The following LTBP1 variants were observed in gnomAD, a reference collection of about 807,000 sequenced individuals.
The protein encoded by LTBP1 is latent-transforming growth factor beta-binding protein 1.
A neutral mutation model predicts 207.6 loss-of-function variants in LTBP1; 129 were observed. The observed-to-expected ratio is 0.62, with a 90% CI of 0.54 to 0.72. LTBP1 has a LOEUF of 0.72. Among genes scored for constraint, LTBP1 ranks in the 30% least tolerant of loss-of-function variants. LTBP1 has a pLI of 0.00. For missense variants in LTBP1, 2,281 were observed against 2,217.2 expected, an observed-to-expected ratio of 1.03 and a Z score of -0.58; for synonymous variants, 963 against 833.7, an observed-to-expected ratio of 1.16 and a Z score of -2.67.
rs545917717 is a variant in LTBP1, at chr2:33,343,087, T to C, written c.3856+124T>C. On this transcript the variant is annotated intron_variant, in intron 25 of 33. Transcript: ENST00000404816. ...GCTTTATCGTAATTTGATTTTGTCA[T>C]ACAATTTGAGGATGTGCAAAAATAT... 6.2e-5 allele frequency: 74 copies of C among 1,196,758 alleles called. No individual in the cohort carries two copies. The African/African-American group carries it at 1.0e-3, about 16-fold the overall frequency. 74.1% of individuals were successfully genotyped at this position (1,196,758 alleles called of 1,614,324 possible). A position where few individuals can be genotyped will look rare whatever the true frequency, so the allele number is the denominator to read the frequency against.
intron 5 of LTBP1, among the ~76,000 whole-genome samples, chr2:33,176,245 G>T (rs371006313): frequency 6.6e-6 from 1 of 151,026 alleles, no homozygotes; most frequent in South Asian, 2.1e-4. Context: ...TTTATTTTCT[G>T]AGATGGAGTC....
intron 7 of LTBP1, among the ~76,000 whole-genome samples, chr2:33,215,716 G>GT (rs1287189048): frequency 0.013 from 1,819 of 139,014 alleles, 85 homozygotes; most frequent in African/African-American, 0.045. Flanking sequence ...GTTTTCTTTT[G>GT]TTTTTTGTTT....
intron 2 of LTBP1, among the ~76,000 whole-genome samples, chr2:32,968,181 T>C (rs1680280995): frequency 6.6e-6 from 1 of 152,138 alleles, no homozygotes; most frequent in Non-Finnish European, 1.5e-5. Flanking sequence ...TTGGCCATAC[T>C]GGTCTTGAGC....
intron 4 of LTBP1, among the ~76,000 whole-genome samples, chr2:33,125,969 G>A (rs218204): frequency 0.037 from 5,564 of 152,304 alleles, 137 homozygotes; most frequent in Middle Eastern, 0.054. Flanking sequence ...TGCAACCAGG[G>A]TATCAGTAAG....
chr2:33,344,127 G>T (rs1053723633), intron 25 of LTBP1, among the ~76,000 whole-genome samples: 1 of 152,100 alleles, frequency 6.6e-6, no homozygotes, highest in South Asian at 2.1e-4. Flanking sequence ...TGCTTTTGTG[G>T]AATTATGAAA....
chr2:33,131,017 G>A (rs1184431018), intron 4 of LTBP1, among the ~76,000 whole-genome samples: 1 of 152,034 alleles, frequency 6.6e-6, no homozygotes, highest in East Asian at 1.9e-4. Context: ...GGTGCCACTC[G>A]GGATGGTCTT....
In LTBP1 at chr2:33,134,821, G is replaced by A. The variant is rs1362542703; in HGVS notation, c.1062G>A (p.Val354=). 1 of 1,613,964 alleles carries A rather than the reference G, an allele frequency of 6.2e-7. No homozygotes were observed. Among genetic ancestry groups the A allele is most frequent in the African/African-American group, 1.3e-5 (1 of 74,886 alleles). ...QLSNHTGRIK[V]VFTPSICKVT... ...GTAACCACACTGGCCGCATCAAGGT[G>A]GTCTTTACTCCGAGCATCTGTAAAG... The change falls in exon 5 of 34, where the codon GTG becomes GTA. Residue 354 remains valine (V), a synonymous_variant. Transcript: ENST00000404816. The surrounding 1 kb of genome is among the most constrained non-coding windows in gnomAD (Gnocchi z 4.4).
In LTBP1 at chr2:33,061,796, T is replaced by C. The variant is rs551074237; in HGVS notation, c.863+40590T>C. Among the ~76,000 whole-genome samples the C allele has an allele frequency of 1.0e-3, 157 of 152,310 alleles. 6 individuals are homozygous for C. Among genetic ancestry groups the C allele is most frequent in the Non-Finnish European group, 1.8e-4 (12 of 68,004 alleles). ...TCTTGTGAGTTTTCCTGTGGACATA[T>C]GCTTTCAATTCTGTTGGGTAAGTAC... is the stretch of plus-strand genomic sequence containing the variant. On this transcript the variant is annotated intron_variant, in intron 3 of 33. Transcript: ENST00000404816.
chr2:32,977,057 G>A (rs1171328879), intron 2 of LTBP1, among the ~76,000 whole-genome samples: 1 of 152,124 alleles, frequency 6.6e-6, no homozygotes, highest in Non-Finnish European at 1.5e-5. Context: ...CCTGCTGTCC[G>A]GGTGTTATCC....
At chr2:33,294,944 T>A (rs1037291219) in intron 20 of LTBP1, among the ~76,000 whole-genome samples, 1 of 151,998 alleles carries the variant, frequency 6.6e-6, no homozygotes, top group Admixed American at 6.6e-5. Context: ...GTCCATATTG[T>A]ACATATTTAT....
At chr2:33,258,988 G>A (rs778040928) in intron 12 of LTBP1, among the ~76,000 whole-genome samples, 15 of 152,156 alleles carry the variant, frequency 9.9e-5, no homozygotes, top group Non-Finnish European at 1.9e-4. Flanking sequence ...TGTATAATTT[G>A]TTCAGTATAT....
chr2:33,272,838 C>T lies in LTBP1; in HGVS notation c.2618-818C>T, dbSNP rs147493536. 7.9e-3 allele frequency among the ~76,000 whole-genome samples: 1,196 copies of T among 152,266 alleles called. 5 individuals carry two copies. The highest frequency in any genetic ancestry group is 0.012 in the Non-Finnish European group (814 of 68,014). On this transcript the variant is annotated intron_variant, in intron 15 of 33. Coordinates refer to ENST00000404816, the MANE Select transcript of LTBP1 (RefSeq NM_206943.4). Reference sequence around the variant, plus strand: ...AAAATCTTAAAGGAGTAATTAATCTCAGAAGGCCCCCTTTGAGTCCTTGGG... The same window carrying T: ...AAAATCTTAAAGGAGTAATTAATCTTAGAAGGCCCCCTTTGAGTCCTTGGG...
intron 2 of LTBP1, among the ~76,000 whole-genome samples, chr2:32,954,553 C>CA (rs1390068220): frequency 3.3e-5 from 5 of 151,012 alleles, no homozygotes; most frequent in African/African-American, 1.2e-4. Context: ...TCCCCGCCCC[C>CA]CCCCACCAAT....
intron 23 of LTBP1, among the ~76,000 whole-genome samples, chr2:33,313,507 A>G (rs2094216497): frequency 6.6e-6 from 1 of 152,158 alleles, no homozygotes; most frequent in Non-Finnish European, 1.5e-5. Context: ...TACATTCTGT[A>G]CCTTTTCCCT....
chr2:33,263,503 C>A, intron 15 of LTBP1, 111 bp downstream of exon 15: 2 of 667,520 alleles, frequency 3.0e-6, no homozygotes, highest in Non-Finnish European at 5.1e-6. Flanking sequence ...GTTAGCCATA[C>A]TAGCAAATAT....
In LTBP1 at chr2:33,248,185, A is replaced by C. The variant is rs146107211; in HGVS notation, c.1999+4401A>C. ...CTCCCAGATAATTACAGTAAACAAA[A>C]ACCATGACAATAATAATTTTTATTG... On this transcript the variant is annotated intron_variant, in intron 10 of 33. Coordinates refer to ENST00000404816, the MANE Select transcript of LTBP1 (RefSeq NM_206943.4). Among the ~76,000 whole-genome samples, 83 of 152,358 alleles carry C rather than the reference A, an allele frequency of 5.4e-4. 1 individual carries two copies. The highest frequency in any genetic ancestry group is 1.9e-3 in the African/African-American group (77 of 41,588).
chr2:32,970,016 G>A (rs912651601), intron 2 of LTBP1, among the ~76,000 whole-genome samples: 2 of 152,146 alleles, frequency 1.3e-5, no homozygotes, highest in Non-Finnish European at 2.9e-5. Context: ...TTTCTCTAAT[G>A]ATTAATGATG....
intron 2 of LTBP1, among the ~76,000 whole-genome samples, chr2:32,950,694 C>T (rs187672275): frequency 3.9e-5 from 6 of 152,050 alleles, no homozygotes; most frequent in African/African-American, 7.2e-5. Flanking sequence ...TTGTGCTGGG[C>T]GATGCAGAGA....
At chr2:33,185,853 A>G (rs1218811889) in intron 5 of LTBP1, among the ~76,000 whole-genome samples, 1 of 152,144 alleles carries the variant, frequency 6.6e-6, no homozygotes, top group Non-Finnish European at 1.5e-5. Context: ...TATGGAGGAG[A>G]CGATTTAAAG....
Sources: allele counts gnomAD v4.1 joint callset (sites outside exome capture counted in the v4.1 genomes callset), GRCh38; gene constraint gnomAD v4.1.1; non-coding constraint Gnocchi (gnomAD v3.1); transcripts MANE v1.5; gene names NCBI Gene and HGNC (gene_info 2026-07-23, HGNC 2026-07-21).